PTPRD: variants seen among roughly 807,000 people sequenced by gnomAD.
The protein encoded by PTPRD is receptor-type tyrosine-protein phosphatase delta.
A neutral mutation model predicts 214.5 loss-of-function variants in PTPRD; 34 were observed. The ratio of observed to expected loss-of-function variants is 0.16; its 90% CI spans 0.12 to 0.21. PTPRD has a LOEUF of 0.21. PTPRD is among the 10% of genes least tolerant of loss of function. PTPRD has a pLI of 1.00. For missense variants in PTPRD, 2,545 were observed against 2,398.7 expected (o/e 1.06, Z -1.27); for synonymous variants, 1,128 against 845.7 (o/e 1.33, Z -5.79).
intron 10 of PTPRD, among the ~76,000 whole-genome samples, chr9:9,061,358 C>A (rs934408774): frequency 3.3e-5 from 5 of 152,130 alleles, no homozygotes; most frequent in African/African-American, 1.2e-4. Context: ...AATGACTAAC[C>A]TTTCATGGAT....
intron 12 of PTPRD, among the ~76,000 whole-genome samples, chr9:8,650,929 G>C (rs935522148): frequency 2.7e-5 from 4 of 150,740 alleles, no homozygotes. Flanking sequence ...AAGCTGAAAA[G>C]TATTTGGCAA....
At chr9:9,458,235 G>C (rs866816381) in intron 8 of PTPRD, among the ~76,000 whole-genome samples, 4 of 151,932 alleles carry the variant, frequency 2.6e-5, no homozygotes, top group Non-Finnish European at 5.9e-5. Flanking sequence ...TTTAATAAAT[G>C]AGTAAACAAT....
chr9:10,578,640 AT>A (rs1365650968), intron 2 of PTPRD, among the ~76,000 whole-genome samples: 2 of 152,184 alleles, frequency 1.3e-5, no homozygotes, highest in Admixed American at 6.5e-5. Context: ...ATAGAAGTAA[AT>A]AATTGAGATT....
chr9:9,134,058 C>CTTTTTTTTTTTTT (rs928663989), intron 10 of PTPRD, among the ~76,000 whole-genome samples: 1 of 75,422 alleles, frequency 1.3e-5, no homozygotes, highest in Non-Finnish European at 2.3e-5. Flanking sequence ...TAGAATCATT[C>CTTTTTTTTTTTTT]TTTTTTTTTT....
At chr9:9,186,748 T>A (rs1253259767) in intron 9 of PTPRD, among the ~76,000 whole-genome samples, 1 of 151,950 alleles carries the variant, frequency 6.6e-6, no homozygotes, top group Non-Finnish European at 1.5e-5. Flanking sequence ...TTCACTTTGG[T>A]CATAACCCAG....
At chr9:10,244,188 T>C (rs1318242025) in intron 3 of PTPRD, among the ~76,000 whole-genome samples, 1 of 152,098 alleles carries the variant, frequency 6.6e-6, no homozygotes, top group Non-Finnish European at 1.5e-5. Context: ...GAATCACTAC[T>C]TGGCCTCCCT....
At chr9:9,281,204 G>T (rs1228087906) in intron 9 of PTPRD, among the ~76,000 whole-genome samples, 1 of 151,134 alleles carries the variant, frequency 6.6e-6, no homozygotes, top group African/African-American at 2.4e-5. Flanking sequence ...GTATGGTGAT[G>T]GCTTTTTATA....
At chr9:10,402,101 G>A (rs532635969) in intron 2 of PTPRD, among the ~76,000 whole-genome samples, 5 of 151,522 alleles carry the variant, frequency 3.3e-5, no homozygotes, top group Non-Finnish European at 7.4e-5. Context: ...AAGAAAAAGG[G>A]TATAAAATGT....
chr9:10,389,343 T>G (rs953680903), intron 2 of PTPRD, among the ~76,000 whole-genome samples: 3 of 151,958 alleles, frequency 2.0e-5, no homozygotes, highest in African/African-American at 7.2e-5. Context: ...ATTTTGGAAA[T>G]TAGATGATTT....
intron 7 of PTPRD, among the ~76,000 whole-genome samples, chr9:9,691,044 T>A (rs2097261472): frequency 1.3e-5 from 2 of 151,938 alleles, no homozygotes; most frequent in African/African-American, 4.8e-5. Context: ...GTGTATATAC[T>A]TATGGTGTAC....
intron 3 of PTPRD, among the ~76,000 whole-genome samples, chr9:10,089,884 C>G (rs1191549152): frequency 6.6e-6 from 1 of 151,560 alleles, no homozygotes; most frequent in Admixed American, 6.6e-5. Flanking sequence ...AGCTACTAAC[C>G]TTCTGATTCA....
At chr9:9,227,359 A>T (rs918187595) in intron 9 of PTPRD, among the ~76,000 whole-genome samples, 3 of 152,122 alleles carry the variant, frequency 2.0e-5, no homozygotes, top group Non-Finnish European at 4.4e-5. Context: ...CTCTAATGTG[A>T]AATTACAACC....
chr9:10,139,607 G>GACAC (rs1372797664), intron 3 of PTPRD, among the ~76,000 whole-genome samples: 1 of 151,842 alleles, frequency 6.6e-6, no homozygotes, highest in African/African-American at 2.4e-5. Flanking sequence ...CAAACGAAAT[G>GACAC]AGCTGGAGAT....
rs990222395 is a variant in PTPRD, at chr9:10,116,785, A to T, written c.-544-82995T>A. 3.3e-5 allele frequency among the ~76,000 whole-genome samples: 5 copies of T among 152,144 alleles called. No homozygotes were observed. The South Asian group carries it at 1.0e-3, about 32-fold the overall frequency. On this transcript the variant is annotated intron_variant, in intron 3 of 45. Coordinates refer to ENST00000381196, the MANE Select transcript of PTPRD (RefSeq NM_002839.4). ...GTTCTGTAGCCTTTTGGATTCCACC[A>T]ACATTAGCCCCAGACACATCACTCT...
At chr9:9,093,669 C>T (rs529903516) in intron 10 of PTPRD, among the ~76,000 whole-genome samples, 4 of 148,850 alleles carry the variant, frequency 2.7e-5, no homozygotes, top group Non-Finnish European at 3.0e-5. Context: ...AAAATTTGGG[C>T]GGGGGGGCGG....
In PTPRD at chr9:8,500,558, G is replaced by GGAAAAAAAAAAAAAAAAAAA. The variant is rs2097373754; in HGVS notation, c.2128+195_2128+196insTTTTTTTTTTTTTTTTTTTC. Among the ~76,000 whole-genome samples the GGAAAAAAAAAAAAAAAAAAA allele has an allele frequency of 2.4e-3, 34 of 14,318 alleles. 3 individuals are homozygous for GGAAAAAAAAAAAAAAAAAAA. Among genetic ancestry groups the GGAAAAAAAAAAAAAAAAAAA allele is most frequent in the Non-Finnish European group, 3.3e-3 (29 of 8,720 alleles). 9.4% of individuals were successfully genotyped at this position (14,318 alleles called of 152,430 possible). ...TTACTGCATTGAGATTGAAAAAAAT[G>GGAAAAAAAAAAAAAAAAAAA]AAAAAAAAAAAAAAAAAAAAAAAAA... On this transcript the variant is annotated intron_variant, in intron 24 of 45. Transcript: ENST00000381196.
At chr9:9,845,361 A>G (rs1008537164) in intron 5 of PTPRD, among the ~76,000 whole-genome samples, 1 of 151,592 alleles carries the variant, frequency 6.6e-6, no homozygotes, top group Non-Finnish European at 1.5e-5. Context: ...TCCACAAAAG[A>G]CTTTGGCAGT....
chr9:9,709,853 C>T (rs539883667), intron 7 of PTPRD, among the ~76,000 whole-genome samples: 5 of 151,990 alleles, frequency 3.3e-5, no homozygotes, highest in Non-Finnish European at 4.4e-5. Context: ...TCTATGTATA[C>T]GTATGTATGA....
At chr9:9,654,286 T>C (rs2096454046) in intron 7 of PTPRD, among the ~76,000 whole-genome samples, 2 of 152,136 alleles carry the variant, frequency 1.3e-5, no homozygotes, top group Admixed American at 1.3e-4. Context: ...ATGTATAATT[T>C]TAAGAGGGAT....
Sources: gnomAD v4.1 joint callset for allele counts (sites outside exome capture counted in the v4.1 genomes callset) on GRCh38, gnomAD v4.1.1 for gene constraint, MANE v1.5 for transcripts, NCBI Gene and HGNC (gene_info 2026-07-23, HGNC 2026-07-21) for gene names.